FAAH2: variants seen among roughly 807,000 people sequenced by gnomAD.
FAAH2 encodes fatty acid amide hydrolase 2, also known as fatty-acid amide hydrolase 2.
Under a neutral mutation model 36.9 loss-of-function variants are expected in FAAH2, and 60 were observed. The observed-to-expected ratio is 1.63, with a 90% CI of 1.32 to 2.02. FAAH2 has a LOEUF of 2.02. Ranked by LOEUF, FAAH2 falls within the 30% of genes most tolerant of loss-of-function variation. FAAH2 has a pLI of 0.00. For synonymous variants in FAAH2, 214 were observed against 143.8 expected (o/e 1.49, Z -3.49); for missense variants, 689 against 397.5 (o/e 1.73, Z -6.23).
chrX:57,473,782 G>A (rs1395145839), intron 10 of FAAH2, among the ~76,000 whole-genome samples: 1 of 110,680 alleles, frequency 9.0e-6, no homozygotes, highest in Non-Finnish European at 1.9e-5. Flanking sequence ...TTATATTTTA[G>A]TACCATTGTT....
chrX:57,296,391 C>T (rs1029884743), intron 2 of FAAH2, among the ~76,000 whole-genome samples: 7 of 111,859 alleles, frequency 6.3e-5, no homozygotes, highest in African/African-American at 2.0e-4. Flanking sequence ...AGCTGAGGGT[C>T]CTGACTGTTA....
the FAAH2 span, among the ~76,000 whole-genome samples, chrX:57,276,487 A>G: frequency 1.8e-5 from 2 of 111,822 alleles, no homozygotes; most frequent in Non-Finnish European, 3.8e-5. Context: ...ATCTAAAATC[A>G]GCACCCTAAC....
At chrX:57,244,713 A>G in the FAAH2 span, among the ~76,000 whole-genome samples, 1 of 111,947 alleles carries the variant, frequency 8.9e-6, no homozygotes, top group Non-Finnish European at 1.9e-5. Context: ...CTGCCTTCCA[A>G]GAACTCCTGA....
intron 7 of FAAH2, among the ~76,000 whole-genome samples, chrX:57,408,860 G>A (rs2055631961): frequency 9.0e-6 from 1 of 111,563 alleles, no homozygotes; most frequent in Non-Finnish European, 1.9e-5. Context: ...GTAATGTGGT[G>A]TGTCATGTTT....
the FAAH2 span, among the ~76,000 whole-genome samples, chrX:57,174,072 G>A: frequency 9.0e-6 from 1 of 110,678 alleles, no homozygotes; most frequent in African/African-American, 3.3e-5. Flanking sequence ...GGGTAATAAT[G>A]GCTTTGTAAA....
At chrX:57,280,979 C>G in the FAAH2 span, among the ~76,000 whole-genome samples, 1 of 111,779 alleles carries the variant, frequency 8.9e-6, no homozygotes, top group Non-Finnish European at 1.9e-5. Context: ...CAATTGGTTA[C>G]AATACTGCAC....
chrX:57,349,904 C>A lies in FAAH2; in HGVS notation c.742+8514C>A, dbSNP rs745782066. Reference sequence around the variant, plus strand: ...GGTTTAGACATCCAAACACAAGAGGCTCAGTGATCCAAAGAAATAGAATAC... The same window carrying A: ...GGTTTAGACATCCAAACACAAGAGGATCAGTGATCCAAAGAAATAGAATAC... On this transcript the variant is annotated intron_variant, in intron 5 of 10. Transcript: ENST00000374900. Among the ~76,000 whole-genome samples, 7 of 110,548 alleles carry A rather than the reference C, an allele frequency of 6.3e-5. No homozygotes were observed. In the Admixed American group the frequency reaches 6.8e-4, roughly 11 times the overall value.
the FAAH2 span, among the ~76,000 whole-genome samples, chrX:57,179,687 A>T: frequency 1.8e-5 from 2 of 111,758 alleles, no homozygotes; most frequent in African/African-American, 6.5e-5. Context: ...TCAGCAACCC[A>T]CTGACAGTAT....
chrX:57,210,910 T>C, the FAAH2 span, among the ~76,000 whole-genome samples: 2 of 112,760 alleles, frequency 1.8e-5, no homozygotes, highest in East Asian at 5.5e-4. Flanking sequence ...GTATGCATGC[T>C]AAATAGTCAA....
At chrX:57,183,378 AAT>A in the FAAH2 span, among the ~76,000 whole-genome samples, 1 of 57,281 alleles carries the variant, frequency 1.7e-5, no homozygotes. Context: ...TAGAAAAATC[AAT>A]CAAATCAAAT....
At chrX:57,216,754 C>T in the FAAH2 span, among the ~76,000 whole-genome samples, 1 of 100,510 alleles carries the variant, frequency 9.9e-6, no homozygotes, top group African/African-American at 3.5e-5. Context: ...GTATCTTTTT[C>T]GAATAATAAC....
At chrX:57,296,106 G>A (rs940174855) in intron 2 of FAAH2, among the ~76,000 whole-genome samples, 1 of 112,026 alleles carries the variant, frequency 8.9e-6, no homozygotes, top group Admixed American at 9.4e-5. Context: ...AGAGAGTAGT[G>A]GTTCTCCCAG....
intron 8 of FAAH2, among the ~76,000 whole-genome samples, chrX:57,434,004 T>C (rs757397150): frequency 1.8e-5 from 2 of 111,319 alleles, no homozygotes; most frequent in Admixed American, 9.6e-5. Flanking sequence ...CAATAGACTC[T>C]GTGCAAAAGA....
chrX:57,250,082 T>A, the FAAH2 span, among the ~76,000 whole-genome samples: 6 of 112,276 alleles, frequency 5.3e-5, no homozygotes, highest in African/African-American at 1.9e-4. Flanking sequence ...TTTATTTAGA[T>A]GGCATTTAAA....
At chrX:57,382,110 A>G (rs763026246) in intron 7 of FAAH2, among the ~76,000 whole-genome samples, 101 of 111,812 alleles carry the variant, frequency 9.0e-4, no homozygotes, top group African/African-American at 3.3e-3. Context: ...AGAAAAAAAG[A>G]TGTTCTTTGA....
intron 2 of FAAH2, among the ~76,000 whole-genome samples, chrX:57,309,951 G>A (rs2052645494): frequency 8.9e-6 from 1 of 111,792 alleles, no homozygotes. Context: ...ATCCAATAAT[G>A]GGATTGCTGG....
Position 57,430,685 on chromosome X carries a change from C to T in FAAH2, c.997-1233C>T, listed in dbSNP as rs181525487. 4.4e-4 allele frequency among the ~76,000 whole-genome samples: 49 copies of T among 111,990 alleles called. No individual in the cohort carries two copies. The East Asian group carries it at 0.013, about 31-fold the overall frequency. On this transcript the variant is annotated intron_variant, in intron 7 of 10. Coordinates refer to ENST00000374900, the MANE Select transcript of FAAH2 (RefSeq NM_174912.4). ...TCTGATTGCTGCTTTGACTCTTCTG[C>T]TTATGTAGTTTTTGTCAGTTAAGTG...
At chrX:57,176,195 C>G in the FAAH2 span, among the ~76,000 whole-genome samples, 1 of 111,369 alleles carries the variant, frequency 9.0e-6, no homozygotes, top group Non-Finnish European at 1.9e-5. Flanking sequence ...TTTCTTCTCC[C>G]TCAAGAACAC....
At chrX:57,372,848 G>A (rs2054585927) in intron 5 of FAAH2, among the ~76,000 whole-genome samples, 1 of 110,230 alleles carries the variant, frequency 9.1e-6, no homozygotes, top group South Asian at 3.9e-4. Context: ...ACTGTACCCA[G>A]TATATAGATT....
Sources: allele counts gnomAD v4.1 joint callset (sites outside exome capture counted in the v4.1 genomes callset), GRCh38; gene constraint gnomAD v4.1.1; transcripts MANE v1.5; gene names NCBI Gene and HGNC (gene_info 2026-07-23, HGNC 2026-07-21).